The following SYNE1 variants were observed in gnomAD, a reference collection of about 807,000 sequenced individuals.
SYNE1 encodes spectrin repeat containing nuclear envelope protein 1, also known as nesprin-1.
A neutral mutation model predicts 1,111.0 loss-of-function variants in SYNE1; 616 were observed. The observed-to-expected ratio is 0.55, with a 90% CI of 0.52 to 0.59. The LOEUF (loss-of-function observed/expected upper bound fraction) is 0.59, where lower values mean the gene tolerates loss of function less well. Among genes scored for constraint, SYNE1 ranks in the 20% least tolerant of loss-of-function variants. The pLI is 0.00. For synonymous variants in SYNE1, 3,855 were observed against 3,825.8 expected, an observed-to-expected ratio of 1.01 and a Z score of -0.28; for missense variants, 10,006 against 10,417.0, an observed-to-expected ratio of 0.96 and a Z score of 1.72.
chr6:152,604,494 A>C (rs2099605945), intron 3 of SYNE1, among the ~76,000 whole-genome samples: 1 of 151,932 alleles, frequency 6.6e-6, no homozygotes, highest in African/African-American at 2.4e-5. Context: ...TGTAGCGATA[A>C]GGTTTTGCCA....
At position 152,455,438 on chromosome 6, in the gene SYNE1, C is replaced by A; in HGVS notation, c.2880G>T (p.Leu960=). ...LEEKGDPEEL[L]RRHTEFFSQL... ...AGGGTGGACTCACAGTGTGTCTCCGCAGGAGCTCCTCTGGATCCCCCTTTT... is the reference window on the plus strand; with the variant it reads ...AGGGTGGACTCACAGTGTGTCTCCGAAGGAGCTCCTCTGGATCCCCCTTTT... The change falls in exon 24 of 146, where the codon CTG becomes CTT. Residue 960 remains leucine (L), a synonymous_variant. Coordinates refer to ENST00000367255, the MANE Select transcript of SYNE1 (RefSeq NM_182961.4). 6.2e-7 allele frequency: 1 copy of A among 1,613,998 alleles called. No homozygotes were observed. The highest frequency in any genetic ancestry group is 8.5e-7 in the Non-Finnish European group (1 of 1,179,918).
chr6:152,353,699 C>T lies in SYNE1; in HGVS notation c.10972G>A (p.Val3658Met). 6.2e-7 allele frequency: 1 copy of T among 1,614,212 alleles called. No homozygotes were observed. Among genetic ancestry groups the T allele is most frequent in the Non-Finnish European group, 8.5e-7 (1 of 1,180,050 alleles). The change falls in exon 68 of 146, where the codon GTG becomes ATG. Residue 3658 changes from valine to methionine, a missense_variant. Transcript: ENST00000367255. ...AGTATCTCCTGAGCTCTAGCTCCCA[C>T]TTCCTCAACTTCATCTCTGTATGCA... ...VTAYRDEVEE[V>M]GARAQEILDE...
chr6:152,331,069 A>C lies in SYNE1; in HGVS notation c.13616T>G (p.Leu4539Trp). The change falls in exon 78 of 146, where the codon TTG becomes TGG. Residue 4539 changes from leucine to tryptophan, a missense_variant. Physicochemically the swap from Leu to Trp is moderately conservative, Grantham distance 61 (BLOSUM62 -2). Around this residue, in one of 7 missense-constraint regions of SYNE1, gnomAD observed 4,955 missense variants for 5,017.2 expected, o/e 0.99. Coordinates refer to ENST00000367255, the MANE Select transcript of SYNE1 (RefSeq NM_182961.4). ...KSEVLGKLQE[L>W]QSVYDSVLQK... ...TAAAACACTGTCATAGACACTCTGCAATTCCTGAAGCTTCCCCAGCACTTC... is the reference window on the plus strand; with the variant it reads ...TAAAACACTGTCATAGACACTCTGCCATTCCTGAAGCTTCCCCAGCACTTC... 6.2e-7 allele frequency: 1 copy of C among 1,614,066 alleles called. No homozygotes were observed. Among genetic ancestry groups the C allele is most frequent in the Non-Finnish European group, 8.5e-7 (1 of 1,180,024 alleles).
chr6:152,422,035 T>A (rs1010717415), intron 39 of SYNE1, among the ~76,000 whole-genome samples: 1 of 152,106 alleles, frequency 6.6e-6, no homozygotes, highest in African/African-American at 2.4e-5. Flanking sequence ...CCCCACAAAC[T>A]GAAGCTAGGC....
intron 3 of SYNE1, among the ~76,000 whole-genome samples, chr6:152,542,491 T>C (rs2099276062): frequency 6.6e-6 from 1 of 152,114 alleles, no homozygotes. Context: ...TTATTTATCA[T>C]TATATATTAC....
chr6:152,193,516 C>T (rs1002653662), intron 127 of SYNE1, among the ~76,000 whole-genome samples: 1 of 152,034 alleles, frequency 6.6e-6, no homozygotes, highest in Admixed American at 6.6e-5. Flanking sequence ...CAGGGTTTTG[C>T]CATGTTGACC....
chr6:152,507,631 T>A (rs1426036468), intron 8 of SYNE1, among the ~76,000 whole-genome samples: 1 of 152,164 alleles, frequency 6.6e-6, no homozygotes, highest in Non-Finnish European at 1.5e-5. Context: ...AGTGCCCAAT[T>A]TATAAGCATT....
chr6:152,513,474 C>T (rs2099095933), intron 6 of SYNE1, among the ~76,000 whole-genome samples: 1 of 152,088 alleles, frequency 6.6e-6, no homozygotes, highest in Admixed American at 6.5e-5. Context: ...ACTGGGATTA[C>T]AGGCATGCGC....
Position 152,381,230 on chromosome 6 carries a change from C to T in SYNE1, c.8785G>A (p.Asp2929Asn), listed in dbSNP as rs143313866. 9.3e-6 allele frequency: 15 copies of T among 1,614,194 alleles called. No homozygotes were observed. The African/African-American group carries it at 1.3e-4, about 14-fold the overall frequency. ...MHTEMQALRA[D>N]WKQWEDSVFQ... ...ACACTGTCTTCCCACTGCTTCCAGTCGGCACGCAGGGCCTGCATCTCCGTG... is the reference window on the plus strand; with the variant it reads ...ACACTGTCTTCCCACTGCTTCCAGTTGGCACGCAGGGCCTGCATCTCCGTG... The change falls in exon 56 of 146, where the codon GAC becomes AAC. Residue 2929 changes from aspartate to asparagine, a missense_variant. Physicochemically the swap from Asp to Asn is conservative, Grantham distance 23. Around this residue, in one of 7 missense-constraint regions of SYNE1, gnomAD observed 4,955 missense variants for 5,017.2 expected, o/e 0.99. Coordinates refer to ENST00000367255, the MANE Select transcript of SYNE1 (RefSeq NM_182961.4).
chr6:152,491,096 A>C (rs750394590), intron 11 of SYNE1, among the ~76,000 whole-genome samples: 7 of 151,416 alleles, frequency 4.6e-5, no homozygotes, highest in Non-Finnish European at 4.4e-5. Context: ...TCATTCACCC[A>C]CATTCCACTG....
In SYNE1 at chr6:152,399,671, C is replaced by T; in HGVS notation, c.7182G>A (p.Gln2394=). 1.2e-6 allele frequency: 2 copies of T among 1,614,148 alleles called. No homozygotes were observed. Among genetic ancestry groups the T allele is most frequent in the Non-Finnish European group, 1.7e-6 (2 of 1,180,018 alleles). Residue 2394 remains glutamine (Q), a synonymous_variant, in exon 48 of 146, where the codon CAG becomes CAA. Transcript: ENST00000367255. ...GLIKKHEAVS[Q]LCSKTQASLQ... ...GGCTGGCCTGGGTTTTGGAGCACAA[C>T]TGGCTCACGGCTTCATGTTTCTTTA...
Position 152,465,469 on chromosome 6 carries a change from G to C in SYNE1, c.1730-9C>G, listed in dbSNP as rs1364086141. 3.1e-6 allele frequency: 5 copies of C among 1,611,092 alleles called. No homozygotes were observed. The highest frequency in any genetic ancestry group is 4.2e-6 in the Non-Finnish European group (5 of 1,178,572). ...ATTCTCAGCTTCTTCCACTGAAACA[G>C]ATAAAACCAATTATAACCCTTATCT... On this transcript the variant is annotated splice_polypyrimidine_tract_variant and intron_variant, in intron 17 of 145. Coordinates refer to ENST00000367255, the MANE Select transcript of SYNE1 (RefSeq NM_182961.4).
intron 100 of SYNE1, among the ~76,000 whole-genome samples, chr6:152,265,207 GAAAAAAA>G (rs36042696): frequency 1.1e-5 from 1 of 87,914 alleles, no homozygotes; most frequent in Non-Finnish European, 2.1e-5. Context: ...CTCTGTCTCA[GAAAAAAA>G]AAAAAAAAAA....
At chr6:152,448,841 A>AAAACAAACAAACAAAC (rs80176844) in intron 28 of SYNE1, among the ~76,000 whole-genome samples, 17 of 151,718 alleles carry the variant, frequency 1.1e-4, no homozygotes, top group East Asian at 9.8e-4. Context: ...CTTGTCTCAA[A>AAAACAAACAAACAAAC]AAACAAACAA....
intron 73 of SYNE1, among the ~76,000 whole-genome samples, chr6:152,346,036 A>G (rs754560610): frequency 7.2e-5 from 11 of 152,260 alleles, no homozygotes; most frequent in Non-Finnish European, 1.6e-4. Flanking sequence ...CTTTTGTGCT[A>G]CAAAATAAAT....
In SYNE1 at chr6:152,236,923, T is replaced by C; in HGVS notation, c.20093A>G (p.Gln6698Arg). The change falls in exon 109 of 146, where the codon CAG becomes CGG. Residue 6698 changes from glutamine to arginine, a missense_variant. Transcript: ENST00000367255. ...LETWSHLDED[Q>R]QELSRQLEVV... ...CTCCAGCTGTCTGCTGAGCTCCTGC[T>C]GGTCCTCATCCAGATGGGACCACGT... 1 of 1,614,168 alleles carries C rather than the reference T, an allele frequency of 6.2e-7. No individual in the cohort carries two copies. The highest frequency in any genetic ancestry group is 1.1e-5 in the South Asian group (1 of 91,084).
At chr6:152,436,373 C>G (rs557777617) in intron 32 of SYNE1, among the ~76,000 whole-genome samples, 1 of 152,166 alleles carries the variant, frequency 6.6e-6, no homozygotes, top group South Asian at 2.1e-4. Context: ...GCAATCATGG[C>G]TCACTGCAGC....
chr6:152,255,581 C>T lies in SYNE1; in HGVS notation c.19260+10G>A, dbSNP rs368333413. The T allele has an allele frequency of 1.2e-6, 2 of 1,613,948 alleles. No homozygotes were observed. The highest frequency in any genetic ancestry group is 1.3e-5 in the African/African-American group (1 of 74,912). On this transcript the variant is annotated intron_variant, in intron 103 of 145. Coordinates refer to ENST00000367255, the MANE Select transcript of SYNE1 (RefSeq NM_182961.4). ...GTTATACACACACAGGCAGGAACTA[C>T]TAAACCTACCTCTTGGTTGAAGAGA...
chr6:152,419,674 C>T lies in SYNE1; in HGVS notation c.5316G>A (p.Glu1772=). ...TCCAGACAGAAAAGGAAAGCAGCAG[C>T]TCATCAAATTGCTGGTGTTCAGCAA... ...SVVAEHQQFD[E]LLLSFSVWIK... The change falls in exon 40 of 146, where the codon GAG becomes GAA. Residue 1772 remains glutamate, a synonymous_variant. Coordinates refer to ENST00000367255, the MANE Select transcript of SYNE1 (RefSeq NM_182961.4). 3 of 1,614,020 alleles carry T rather than the reference C, an allele frequency of 1.9e-6. No homozygotes were observed. Among genetic ancestry groups the T allele is most frequent in the Non-Finnish European group, 2.5e-6 (3 of 1,179,960 alleles).
Sources: allele counts gnomAD v4.1 joint callset (sites outside exome capture counted in the v4.1 genomes callset), GRCh38; gene constraint gnomAD v4.1.1; regional missense constraint gnomAD v4.1.1; transcripts MANE v1.5; gene names NCBI Gene and HGNC (gene_info 2026-07-23, HGNC 2026-07-21).